The following HERC2 variants were observed in gnomAD, a reference collection of about 807,000 sequenced individuals.
HERC2 encodes the protein HECT and RLD domain containing E3 ubiquitin protein ligase 2, also known as E3 ubiquitin-protein ligase HERC2.
HERC2 carries 102 observed loss-of-function variants against 537.7 expected under a neutral mutation model. The observed-to-expected ratio is 0.19, with a 90% confidence interval of 0.16 to 0.22. HERC2 has a LOEUF of 0.22. HERC2 is among the 10% of genes least tolerant of loss of function. The pLI is 1.00. For missense variants in HERC2, 4,236 were observed against 6,198.2 expected, an observed-to-expected ratio of 0.68 and a Z score of 10.63; for synonymous variants, 2,224 against 2,466.2, an observed-to-expected ratio of 0.90 and a Z score of 2.91.
chr15:28,125,404 G>A (rs1231461123), intron 83 of HERC2, among the ~76,000 whole-genome samples: 4 of 152,164 alleles, frequency 2.6e-5, no homozygotes, highest in East Asian at 1.9e-4. Context: ...CCAAAGAGGC[G>A]AGTATACTTC....
In HERC2 at chr15:28,177,654, G is replaced by A. The variant is rs562021647; in HGVS notation, c.9164-145C>T. On this transcript the variant is annotated intron_variant, in intron 59 of 92. Transcript: ENST00000261609. The surrounding 1 kb of genome is among the most constrained non-coding windows in gnomAD (Gnocchi z 5.0). ...TGAGTAACTCAACAGGATCAACAGC[G>A]GAGTTAGCAGGAAAGCTTCCTGGGA... is the stretch of plus-strand genomic sequence containing the variant. 42 of 663,930 alleles carry A rather than the reference G, an allele frequency of 6.3e-5. No individual in the cohort carries two copies. The highest frequency in any genetic ancestry group is 8.7e-5 in the Non-Finnish European group (33 of 381,278). The allele number at this position is 663,930 out of a possible 1,614,324, so 41.1% of individuals were successfully genotyped here.
chr15:28,291,116 A>G (rs1033540534), intron 4 of HERC2, among the ~76,000 whole-genome samples: 20 of 152,246 alleles, frequency 1.3e-4, no homozygotes, highest in African/African-American at 4.3e-4. Context: ...TCTGGATAAC[A>G]GGTAGTACAT....
Position 28,198,465 on chromosome 15 carries a change from C to A in HERC2, c.7924G>T (p.Gly2642Cys). 4 of 1,613,946 alleles carry A rather than the reference C, an allele frequency of 2.5e-6. No individual in the cohort carries two copies. The highest frequency in any genetic ancestry group is 3.4e-6 in the Non-Finnish European group (4 of 1,179,948). The change falls in exon 50 of 93, where the codon GGT becomes TGT. Residue 2642 changes from glycine to cysteine, a missense_variant. Gly to Cys is a radical substitution (Grantham distance 159). Around this residue, in one of 27 missense-constraint regions of HERC2, gnomAD observed 606 missense variants for 884.5 expected, o/e 0.69. Coordinates refer to ENST00000261609, the MANE Select transcript of HERC2 (RefSeq NM_004667.6). Reference sequence around the variant, plus strand: ...GAGGCTTTGACCCGCACTTTATCACCAATCTTGATGTGAGAAGAAGAACTT... The same window carrying A: ...GAGGCTTTGACCCGCACTTTATCACAAATCTTGATGTGAGAAGAAGAACTT... ...PPSSSSHIKI[G>C]DKVRVKASVT... is the part of the protein sequence containing the mutation.
chr15:28,127,171 C>T (rs1889587832), intron 83 of HERC2, among the ~76,000 whole-genome samples: 1 of 152,244 alleles, frequency 6.6e-6, no homozygotes, highest in Admixed American at 6.5e-5. Context: ...CTGCTCTCCA[C>T]ACGTTGGTCC....
intron 35 of HERC2, among the ~76,000 whole-genome samples, chr15:28,226,941 T>C (rs1304572621): frequency 6.6e-6 from 1 of 152,196 alleles, no homozygotes; most frequent in Non-Finnish European, 1.5e-5. Context: ...ATATAGTGCA[T>C]TTATTGGTAC....
Position 28,229,833 on chromosome 15 carries a change from C to T in HERC2, c.4824G>A (p.Pro1608=), listed in dbSNP as rs1225455453. The change falls in exon 32 of 93, where the codon CCG becomes CCA. Residue 1608 remains proline, a synonymous_variant. Coordinates refer to ENST00000261609, the MANE Select transcript of HERC2 (RefSeq NM_004667.6). ...GAACACCTGTAACAGTACTCAACAG[C>T]GGCTGCCATTTGTCCTAACAAAGGA... The part of the protein sequence containing the change: ...AIKSPKDKWQ[P]LLSTVTGVHK... 7 of 1,297,992 alleles carry T rather than the reference C, an allele frequency of 5.4e-6. No individual in the cohort carries two copies. The highest frequency in any genetic ancestry group is 5.6e-6 in the Non-Finnish European group (5 of 896,588). The allele number at this position is 1,297,992 out of a possible 1,614,324, so 80.4% of individuals were successfully genotyped here.
chr15:28,218,018 G>A (rs540699974), intron 38 of HERC2, among the ~76,000 whole-genome samples: 33 of 152,006 alleles, frequency 2.2e-4, no homozygotes, highest in Non-Finnish European at 4.1e-4. Flanking sequence ...TGCAAAATTC[G>A]TATGTTGAAG....
chr15:28,232,288 A>G (rs1166623797), intron 30 of HERC2, among the ~76,000 whole-genome samples: 1 of 152,176 alleles, frequency 6.6e-6, no homozygotes, highest in South Asian at 2.1e-4. Context: ...CACGCCTGTA[A>G]TCCCAGCACT....
At chr15:28,152,274 T>C (rs1892538747) in intron 70 of HERC2, among the ~76,000 whole-genome samples, 3 of 152,212 alleles carry the variant, frequency 2.0e-5, no homozygotes, top group Admixed American at 2.0e-4. Flanking sequence ...ATAATTTTTG[T>C]TGAGTTGTTA....
intron 2 of HERC2, among the ~76,000 whole-genome samples, chr15:28,317,570 G>T (rs1286594420): frequency 6.6e-6 from 1 of 152,178 alleles, no homozygotes; most frequent in African/African-American, 2.4e-5. Flanking sequence ...ATTTCCGAAG[G>T]TCACATATCA....
chr15:28,152,841 A>T lies in HERC2; in HGVS notation c.10747-11T>A, dbSNP rs1454121975. The T allele has an allele frequency of 6.4e-7, 1 of 1,559,414 alleles. No individual in the cohort carries two copies. The highest frequency in any genetic ancestry group is 1.4e-5 in the African/African-American group (1 of 73,380). ...CAGCATATCTGCCACCTGGAGAGGA[A>T]GCAAGGACATGAATGAGGGGGCCAA... On this transcript the variant is annotated splice_polypyrimidine_tract_variant and intron_variant, in intron 69 of 92. Coordinates refer to ENST00000261609, the MANE Select transcript of HERC2 (RefSeq NM_004667.6).
intron 2 of HERC2, among the ~76,000 whole-genome samples, chr15:28,303,197 C>T (rs2525948): frequency 4.7e-4 from 72 of 152,304 alleles, no homozygotes; most frequent in Middle Eastern, 6.8e-3. Context: ...TGAGAGATAG[C>T]GGTCTAGTTT....
At chr15:28,306,207 G>A (rs1337823202) in intron 2 of HERC2, among the ~76,000 whole-genome samples, 1 of 152,216 alleles carries the variant, frequency 6.6e-6, no homozygotes, top group African/African-American at 2.4e-5. Context: ...CTGTGTGTCA[G>A]CTGTATATGG....
In HERC2 at chr15:28,254,366, C is replaced by G; in HGVS notation, c.3024G>C (p.Leu1008=). 6.2e-7 allele frequency: 1 copy of G among 1,604,440 alleles called. No homozygotes were observed. The highest frequency in any genetic ancestry group is 1.7e-4 in the Middle Eastern group (1 of 6,034). Residue 1008 remains leucine (L), a synonymous_variant, in exon 20 of 93, where the codon CTG becomes CTC. Coordinates refer to ENST00000261609, the MANE Select transcript of HERC2 (RefSeq NM_004667.6). The part of the protein sequence containing the change: ...CESSGKQCLP[L]VQLIQQLLRN... Reference sequence around the variant, plus strand: ...TAAGAAGCTGTTGTATGAGCTGAACCAGAGGCAAACACTGTTTGCCAGAAG... The same window carrying G: ...TAAGAAGCTGTTGTATGAGCTGAACGAGAGGCAAACACTGTTTGCCAGAAG...
intron 78 of HERC2, among the ~76,000 whole-genome samples, chr15:28,137,906 C>T (rs973732614): frequency 6.6e-6 from 1 of 152,208 alleles, no homozygotes; most frequent in Non-Finnish European, 1.5e-5. Flanking sequence ...AGAAAAAGTT[C>T]TTGAAGCACA....
chr15:28,144,653 G>A lies in HERC2; in HGVS notation c.11140+20C>T, dbSNP rs561390515. ...CACAGCCAGTCATCTAACCTTGATC[G>A]CCATAAGCCCCTTCCTTACCAGCAG... is the stretch of plus-strand genomic sequence containing the variant. On this transcript the variant is annotated intron_variant, in intron 72 of 92. Coordinates refer to ENST00000261609, the MANE Select transcript of HERC2 (RefSeq NM_004667.6). 4.2e-5 allele frequency: 68 copies of A among 1,614,064 alleles called. 1 individual carries two copies. The South Asian group carries it at 6.7e-4, about 16-fold the overall frequency.
rs189854600 is a variant in HERC2 at position 28,136,894 on chromosome 15, T to C, written c.12016-1202A>G. On this transcript the variant is annotated intron_variant, in intron 78 of 92. Coordinates refer to ENST00000261609, the MANE Select transcript of HERC2 (RefSeq NM_004667.6). ...AACGAAAGAATTTCACTAAAGTAAA[T>C]TGAGAAAGATATGCTAAAGGAGAAG... is the stretch of plus-strand genomic sequence containing the variant. Among the ~76,000 whole-genome samples, 138 of 151,996 alleles carry C rather than the reference T, an allele frequency of 9.1e-4. 1 individual carries two copies. The highest frequency in any genetic ancestry group is 3.2e-3 in the African/African-American group (133 of 41,426).
At chr15:28,126,738 A>C (rs903280751) in intron 83 of HERC2, among the ~76,000 whole-genome samples, 4 of 152,200 alleles carry the variant, frequency 2.6e-5, no homozygotes, top group African/African-American at 9.6e-5. Context: ...GTGAGGGATA[A>C]AAGACTACAC....
At position 28,229,775 on chromosome 15, in the gene HERC2, C is replaced by G. The variant is rs763427404; in HGVS notation, c.4882G>C (p.Gly1628Arg). The G allele has an allele frequency of 2.7e-6, 4 of 1,456,674 alleles. No homozygotes were observed. The highest frequency in any genetic ancestry group is 2.9e-6 in the Non-Finnish European group (3 of 1,038,288). 90.2% of individuals were successfully genotyped at this position (1,456,674 alleles called of 1,614,324 possible). Residue 1628 changes from glycine (G) to arginine (R), a missense_variant, in exon 32 of 93, where the codon GGT (glycine) becomes CGT (arginine). This residue lies in a region of HERC2 where 343 missense variants were observed against 417.2 expected (regional missense o/e 0.82). Coordinates refer to ENST00000261609, the MANE Select transcript of HERC2 (RefSeq NM_004667.6). ...AGGAGTGGAGACTGCGGATAAAGAC[C>G]CTGCACATTCTGCTTCAACCACTTG... ...KYKWLKQNVQ[G>R]LYPQSPLLST... is the part of the protein sequence containing the mutation.
Sources: allele counts gnomAD v4.1 joint callset (sites outside exome capture counted in the v4.1 genomes callset), GRCh38; gene constraint gnomAD v4.1.1; regional missense constraint gnomAD v4.1.1; non-coding constraint Gnocchi (gnomAD v3.1); transcripts MANE v1.5; gene names NCBI Gene and HGNC (gene_info 2026-07-23, HGNC 2026-07-21).